The following PLA2G4E variants were observed in gnomAD, a reference collection of about 807,000 sequenced individuals.
PLA2G4E encodes the protein phospholipase A2 group IVE.
A neutral mutation model predicts 109.1 loss-of-function variants in PLA2G4E; 84 were observed. The observed-to-expected ratio is 0.77, with a 90% confidence interval of 0.65 to 0.92. The LOEUF (loss-of-function observed/expected upper bound fraction) is 0.92, where lower values mean the gene tolerates loss of function less well. PLA2G4E is among the 40% of genes least tolerant of loss of function. The pLI is 0.00. For missense variants in PLA2G4E, 1,057 were observed against 1,076.6 expected, an observed-to-expected ratio of 0.98 and a Z score of 0.25; for synonymous variants, 469 against 436.1, an observed-to-expected ratio of 1.08 and a Z score of -0.94.
exon 14 of PLA2G4E, chr15:41,990,193 A>C: frequency 6.2e-7 from 1 of 1,613,768 alleles, no homozygotes; most frequent in Non-Finnish European, 8.5e-7. Context: ...TTCTGGCCGC[A>C]GCTCAAAGCA....
chr15:41,984,398 G>A (rs1484366669), intron 19 of PLA2G4E, 38 bp downstream of exon 19: 1 of 1,572,230 alleles, frequency 6.4e-7, no homozygotes, highest in Admixed American at 1.7e-5. Flanking sequence ...CGGGCCAAGG[G>A]CAGCAGGTGC....
chr15:41,995,836 C>A (rs1399582240), intron 11 of PLA2G4E, among the ~76,000 whole-genome samples: 1 of 152,194 alleles, frequency 6.6e-6, no homozygotes, highest in East Asian at 1.9e-4. Flanking sequence ...GGGTGGTGGG[C>A]AGCTTGTTCA....
At chr15:42,049,918 G>A (rs1889478882) in intron 1 of PLA2G4E, among the ~76,000 whole-genome samples, 1 of 152,224 alleles carries the variant, frequency 6.6e-6, no homozygotes, top group Non-Finnish European at 1.5e-5. Context: ...TTCAGATGCT[G>A]TTTGATTTCT....
At chr15:42,026,019 T>C (rs2724942) in intron 1 of PLA2G4E, among the ~76,000 whole-genome samples, 114,029 of 152,128 alleles carry the variant, frequency 0.75, 43,615 homozygotes, top group Non-Finnish European at 0.83. Flanking sequence ...GGAAATATTG[T>C]CAGTTTTGAA....
chr15:42,040,973 C>CA (rs1344039393), intron 1 of PLA2G4E, among the ~76,000 whole-genome samples: 2 of 151,942 alleles, frequency 1.3e-5, no homozygotes, highest in Non-Finnish European at 2.9e-5. Flanking sequence ...TAAATTAAAA[C>CA]AAAAAAGAGA....
chr15:41,985,308 G>A (rs1160660593), intron 18 of PLA2G4E, among the ~76,000 whole-genome samples: 2 of 152,124 alleles, frequency 1.3e-5, no homozygotes, highest in African/African-American at 4.8e-5. Context: ...ACTTCACTTC[G>A]CCTGGCTTCA....
chr15:41,992,701 G>A, intron 13 of PLA2G4E, 36 bp downstream of exon 13: 1 of 1,592,190 alleles, frequency 6.3e-7, no homozygotes, highest in Non-Finnish European at 8.6e-7. Flanking sequence ...GCATCAGCCA[G>A]GGCAGGGTGG....
chr15:42,010,185 G>A (rs751064522), intron 2 of PLA2G4E: 2 of 522,936 alleles, frequency 3.8e-6, no homozygotes, highest in South Asian at 2.9e-5. Context: ...CCGGTACGCT[G>A]GGAGCCTGCA....
At chr15:42,046,951 C>T (rs761993248) in intron 1 of PLA2G4E, among the ~76,000 whole-genome samples, 1 of 152,146 alleles carries the variant, frequency 6.6e-6, no homozygotes, top group Non-Finnish European at 1.5e-5. Flanking sequence ...TAATGGGAGC[C>T]TCCAACTGGC....
exon 20 of PLA2G4E, chr15:41,983,811 C>A: frequency 6.2e-7 from 1 of 1,610,326 alleles, no homozygotes; most frequent in Non-Finnish European, 8.5e-7. Context: ...GCCGCAGAGC[C>A]TGGAGGAGAG....
At chr15:42,049,633 C>G (rs1889473916) in intron 1 of PLA2G4E, among the ~76,000 whole-genome samples, 1 of 152,130 alleles carries the variant, frequency 6.6e-6, no homozygotes, top group Non-Finnish European at 1.5e-5. Flanking sequence ...ACCCTCCAAG[C>G]CAGGGGCCAG....
intron 10 of PLA2G4E, chr15:41,998,342 A>G (rs1328652004): frequency 6.6e-6 from 1 of 152,204 alleles, no homozygotes; most frequent in African/African-American, 2.4e-5. Context: ...CAATAATAAC[A>G]ATAACATTAG....
At chr15:42,047,798 A>C (rs1031922847) in intron 1 of PLA2G4E, among the ~76,000 whole-genome samples, 1 of 152,336 alleles carries the variant, frequency 6.6e-6, no homozygotes, top group South Asian at 2.1e-4. Flanking sequence ...CCAGTCTCTG[A>C]GAAATTCCAT....
At chr15:42,043,798 G>T (rs1172813163) in intron 1 of PLA2G4E, among the ~76,000 whole-genome samples, 4 of 152,092 alleles carry the variant, frequency 2.6e-5, no homozygotes, top group African/African-American at 9.7e-5. Flanking sequence ...TCTGTAAAAT[G>T]GAGTTAATAG....
Position 42,004,920 on chromosome 15 carries a change from G to A in PLA2G4E, c.566+18C>T. The A allele has an allele frequency of 6.2e-7, 1 of 1,612,530 alleles. No individual in the cohort carries two copies. ...ATGGCCAGGACCTTGGTGGGCCCCG[G>A]GGCCTGGGCCTACTCACCTCTCCTC... On this transcript the variant is annotated intron_variant, in intron 5 of 19. Coordinates refer to ENST00000399518, the Ensembl canonical transcript of PLA2G4E.
intron 1 of PLA2G4E, among the ~76,000 whole-genome samples, chr15:42,037,368 G>C (rs531531212): frequency 1.3e-5 from 2 of 152,382 alleles, no homozygotes; most frequent in South Asian, 2.1e-4. Context: ...CAGAGCGGTC[G>C]TCAGGATGAC....
chr15:42,005,823 GA>G (rs139584904), intron 4 of PLA2G4E, among the ~76,000 whole-genome samples, 166 bp downstream of exon 4: 18 of 152,288 alleles, frequency 1.2e-4, no homozygotes, highest in African/African-American at 3.1e-4. Context: ...TTATTTTTAC[GA>G]CATCACATAG....
chr15:42,031,010 C>G (rs943053720), intron 1 of PLA2G4E, among the ~76,000 whole-genome samples: 1 of 152,110 alleles, frequency 6.6e-6, no homozygotes, highest in African/African-American at 2.4e-5. Context: ...TTCTGTTACC[C>G]AGGCTGGAGT....
intron 1 of PLA2G4E, among the ~76,000 whole-genome samples, chr15:42,039,011 C>T (rs1224275430): frequency 6.6e-6 from 1 of 151,972 alleles, no homozygotes; most frequent in Non-Finnish European, 1.5e-5. Context: ...AGGCATTTTC[C>T]TTATTATTAG....
Sources: allele counts gnomAD v4.1 joint callset (sites outside exome capture counted in the v4.1 genomes callset), GRCh38; gene constraint gnomAD v4.1.1; transcripts MANE v1.5; gene names NCBI Gene and HGNC (gene_info 2026-07-23, HGNC 2026-07-21).